NMT1: variants seen among roughly 807,000 people sequenced by gnomAD.
NMT1 encodes N-myristoyltransferase 1, also known as glycylpeptide N-tetradecanoyltransferase 1.
A neutral mutation model predicts 63.4 loss-of-function variants in NMT1; 12 were observed. The ratio of observed to expected loss-of-function variants is 0.19; its 90% CI spans 0.12 to 0.31. NMT1 has a LOEUF of 0.31. Among genes scored for constraint, NMT1 ranks in the 10% least tolerant of loss-of-function variants. The pLI is 1.00. For synonymous variants in NMT1, 228 were observed against 234.3 expected (o/e 0.97, Z 0.25); for missense variants, 432 against 634.6 (o/e 0.68, Z 3.43).
chr17:45,102,521 G>T (rs1273851611), intron 8 of NMT1, among the ~76,000 whole-genome samples: 1 of 152,254 alleles, frequency 6.6e-6, no homozygotes, highest in African/African-American at 2.4e-5. Context: ...TCTAAGTCTA[G>T]CAGAGAAAGA....
intron 1 of NMT1, among the ~76,000 whole-genome samples, chr17:45,062,941 A>G (rs1227782737): frequency 6.6e-6 from 1 of 152,058 alleles, no homozygotes; most frequent in Non-Finnish European, 1.5e-5. Flanking sequence ...AGGGCCGGGC[A>G]TGGTGGCTCA....
chr17:45,104,910 C>A lies in NMT1; in HGVS notation c.1384C>A (p.Leu462Met), dbSNP rs141629884. The A allele has an allele frequency of 6.2e-7, 1 of 1,614,156 alleles. No individual in the cohort carries two copies. Among genetic ancestry groups the A allele is most frequent in the African/African-American group, 1.3e-5 (1 of 75,018 alleles). ...GGATCTCATGGAGAACAAAACCTTC[C>A]TGGAGAAGCTCAAGTTTGGCATAGG... ...ALDLMENKTF[L>M]EKLKFGIGDG... is the part of the protein sequence containing the mutation. Residue 462 changes from leucine (L) to methionine (M), a missense_variant, in exon 11 of 12, where the codon CTG becomes ATG. By Grantham distance (15) the Leu-to-Met change is conservative (BLOSUM62 2). This residue lies in a region of NMT1 where 295 missense variants were observed against 489.7 expected (regional missense o/e 0.60). Coordinates refer to ENST00000258960, the MANE Select transcript of NMT1 (RefSeq NM_021079.5). The surrounding 1 kb of genome is among the most constrained non-coding windows in gnomAD (Gnocchi z 4.2).
chr17:45,079,682 A>T (rs1289998635), intron 1 of NMT1, among the ~76,000 whole-genome samples: 9 of 152,146 alleles, frequency 5.9e-5, no homozygotes. Context: ...ACACACAGAC[A>T]TGTTTCTTTT....
intron 1 of NMT1, among the ~76,000 whole-genome samples, chr17:45,073,610 T>C (rs2053957166): frequency 6.6e-6 from 1 of 152,238 alleles, no homozygotes; most frequent in Admixed American, 6.5e-5. Flanking sequence ...TTACTTCTAA[T>C]GCTTGCTCCT....
intron 1 of NMT1, among the ~76,000 whole-genome samples, chr17:45,078,149 C>T (rs549538121): frequency 1.6e-4 from 24 of 152,184 alleles, no homozygotes; most frequent in Admixed American, 3.9e-4. Flanking sequence ...GAGTGGACAG[C>T]GTAAGTGGGA....
At chr17:45,093,082 G>A (rs2054100163) in intron 3 of NMT1, among the ~76,000 whole-genome samples, 1 of 152,226 alleles carries the variant, frequency 6.6e-6, no homozygotes. Flanking sequence ...GTGTCAGGGT[G>A]ACTTCCCGGC....
intron 4 of NMT1, among the ~76,000 whole-genome samples, chr17:45,095,524 T>A (rs912023405): frequency 7.3e-5 from 11 of 151,658 alleles, no homozygotes; most frequent in African/African-American, 1.9e-4. Flanking sequence ...AATTTGGGAG[T>A]CTAAGGTGGG....
intron 1 of NMT1, among the ~76,000 whole-genome samples, chr17:45,076,599 A>T (rs2053979172): frequency 1.3e-5 from 2 of 151,992 alleles, no homozygotes; most frequent in Non-Finnish European, 2.9e-5. Flanking sequence ...AAAATACAAA[A>T]ATTAGCTGGG....
At chr17:45,070,948 C>T (rs571379228) in intron 1 of NMT1, among the ~76,000 whole-genome samples, 3 of 152,192 alleles carry the variant, frequency 2.0e-5, no homozygotes, top group East Asian at 1.9e-4. Flanking sequence ...TGGGAATGTG[C>T]GGAGTTGGGG....
In NMT1 at chr17:45,061,378, C is replaced by T. The variant is rs1567858504; in HGVS notation, c.49C>T (p.Pro17Ser). 3 of 1,613,940 alleles carry T rather than the reference C, an allele frequency of 1.9e-6. No homozygotes were observed. Among genetic ancestry groups the T allele is most frequent in the Non-Finnish European group, 2.5e-6 (3 of 1,180,002 alleles). ...TAVKPPAPPL[P>S]QMMEGNGNGH... ...AGTGAAGCCGCCGGCACCTCCGCTG[C>T]CGCAGATGATGGAAGGGAACGGGAA... The change falls in exon 1 of 12, where the codon CCG (proline) becomes TCG (serine). Residue 17 changes from proline (P) to serine (S), a missense_variant. By Grantham distance (74) the Pro-to-Ser change is moderately conservative (BLOSUM62 -1). Coordinates refer to ENST00000258960, the MANE Select transcript of NMT1 (RefSeq NM_021079.5).
At chr17:45,061,523 G>A (rs1367817221) in intron 1 of NMT1, 63 bp downstream of exon 1, 12 of 1,501,066 alleles carry the variant, frequency 8.0e-6, no homozygotes, top group Middle Eastern at 2.1e-4. Flanking sequence ...TCTGGGGTGC[G>A]GGGAAGTCAC....
chr17:45,075,062 A>G (rs1227546629), intron 1 of NMT1, among the ~76,000 whole-genome samples: 1 of 152,116 alleles, frequency 6.6e-6, no homozygotes, highest in Non-Finnish European at 1.5e-5. Flanking sequence ...TGTAGCCCCA[A>G]TTACTCAGGA....
Position 45,104,079 on chromosome 17 carries a change from T to G in NMT1, c.1332+203T>G. The G allele has an allele frequency of 3.3e-6, 5 of 1,500,758 alleles. No homozygotes were observed. The highest frequency in any genetic ancestry group is 4.4e-6 in the Non-Finnish European group (5 of 1,127,132). 93.0% of individuals were successfully genotyped at this position (1,500,758 alleles called of 1,614,324 possible). On this transcript the variant is annotated intron_variant, in intron 10 of 11. Coordinates refer to ENST00000258960, the MANE Select transcript of NMT1 (RefSeq NM_021079.5). The surrounding 1 kb of genome is among the most constrained non-coding windows in gnomAD (Gnocchi z 4.2). ...CAAGGAGCATCCGAAGTGAAGGCAT[T>G]GAACTCCTCCTGATTCATTTCAGTG...
chr17:45,084,797 A>G (rs564235950), intron 2 of NMT1, among the ~76,000 whole-genome samples: 138 of 152,220 alleles, frequency 9.1e-4, no homozygotes, highest in South Asian at 5.6e-3. Flanking sequence ...GGTGAGGGTC[A>G]GGAGCTACTC....
chr17:45,102,846 GC>G, intron 8 of NMT1, 104 bp from the exon 9 acceptor site: 1 of 1,095,690 alleles, frequency 9.1e-7, no homozygotes, highest in East Asian at 2.6e-5. Context: ...GCAGGGAGCC[GC>G]CGAATGACCA....
intron 1 of NMT1, among the ~76,000 whole-genome samples, chr17:45,069,634 C>T (rs1379521729): frequency 6.6e-6 from 1 of 152,066 alleles, no homozygotes; most frequent in Non-Finnish European, 1.5e-5. Context: ...TTTGCATCTC[C>T]ACTGGTCTCT....
At chr17:45,072,254 CA>C (rs969648377) in intron 1 of NMT1, among the ~76,000 whole-genome samples, 51 of 119,940 alleles carry the variant, frequency 4.3e-4, no homozygotes, top group South Asian at 3.4e-3. Flanking sequence ...ACTGTCTTTA[CA>C]AAAAAAAAAA....
chr17:45,104,168 A>G lies in NMT1; in HGVS notation c.1332+292A>G, dbSNP rs1598021164. ...ATAGCCAGGCCTTCCCTGGGAGGAC[A>G]GGGCTTCTCCTCACAGCTTTCCCAG... On this transcript the variant is annotated intron_variant, in intron 10 of 11. Transcript: ENST00000258960. The surrounding 1 kb of genome is among the most constrained non-coding windows in gnomAD (Gnocchi z 4.2). 3 of 1,310,854 alleles carry G rather than the reference A, an allele frequency of 2.3e-6. No homozygotes were observed. Among genetic ancestry groups the G allele is most frequent in the East Asian group, 3.6e-5 (1 of 27,524 alleles). 81.2% of individuals were successfully genotyped at this position (1,310,854 alleles called of 1,614,324 possible). A position where few individuals can be genotyped will look rare whatever the true frequency, so the allele number is the denominator to read the frequency against.
At chr17:45,072,794 C>G (rs933386738) in intron 1 of NMT1, among the ~76,000 whole-genome samples, 1 of 135,156 alleles carries the variant, frequency 7.4e-6, no homozygotes, top group Non-Finnish European at 1.6e-5. Context: ...CTCCTGACGT[C>G]GTGATCCACC....
Sources: gnomAD v4.1 joint callset for allele counts (sites outside exome capture counted in the v4.1 genomes callset) on GRCh38, gnomAD v4.1.1 for gene constraint, gnomAD v4.1.1 regional missense constraint, Gnocchi (gnomAD v3.1) non-coding constraint, MANE v1.5 for transcripts, NCBI Gene and HGNC (gene_info 2026-07-23, HGNC 2026-07-21) for gene names.